The following KRT79 variants were observed in gnomAD, a reference collection of about 807,000 sequenced individuals.
KRT79 encodes the protein keratin 79, also known as keratin, type II cytoskeletal 79.
KRT79 carries 51 observed loss-of-function variants against 49.0 expected under a neutral mutation model. The observed-to-expected ratio is 1.04, with a 90% CI of 0.83 to 1.31. The LOEUF is 1.31. Ranked by LOEUF, KRT79 falls within the 40% of genes most tolerant of loss-of-function variation. The probability of loss-of-function intolerance (pLI) is 0.00; values close to 1 mark genes in which losing one functional copy is unlikely to be tolerated. For missense variants in KRT79, 728 were observed against 688.0 expected, an observed-to-expected ratio of 1.06 and a Z score of -0.65; for synonymous variants, 312 against 286.6, an observed-to-expected ratio of 1.09 and a Z score of -0.90.
chr12:52,822,751 C>T (rs946393313), intron 7 of KRT79, among the ~76,000 whole-genome samples: 1 of 152,130 alleles, frequency 6.6e-6, no homozygotes, highest in Non-Finnish European at 1.5e-5. Flanking sequence ...TTTTCCAAAG[C>T]TTCCACTGCT....
chr12:52,821,872 CT>C lies in KRT79; in HGVS notation c.1607del (p.Ter536CysfsTer3), dbSNP rs1940093013. 6.2e-7 allele frequency: 1 copy of C among 1,613,594 alleles called. No individual in the cohort carries two copies. Among genetic ancestry groups the C allele is most frequent in the African/African-American group, 1.3e-5 (1 of 74,930 alleles). On this transcript the variant is annotated frameshift_variant and stop_lost, in exon 9 of 9. Coordinates refer to ENST00000330553, the MANE Select transcript of KRT79 (RefSeq NM_175834.3). LOFTEE classifies it high-confidence loss of function. ...CAGGGGCCCTTGCAGGGCTCAGCAG[CT>C]AATACCTCTGGCTGGACGTCTTGAC... ...TTVKTSSQRY[*>X]
intron 4 of KRT79, among the ~76,000 whole-genome samples, chr12:52,824,847 G>A (rs1940155536): frequency 6.6e-6 from 1 of 152,208 alleles, no homozygotes; most frequent in Admixed American, 6.5e-5. Flanking sequence ...GACAAGTGAG[G>A]AAAGAGGTTT....
rs1462818429 is a variant in KRT79, at chr12:52,834,227, T to G, written c.34A>C (p.Thr12Pro). ...RSSVSRQTYSTKGGFSSNSAS... is the reference protein window; with the variant it reads ...RSSVSRQTYSPKGGFSSNSAS... ...GAGTTGGAGCTGAAGCCCCCTTTTG[T>G]GGAGTATGTTTGCCGAGAGACGGAG... The change falls in exon 1 of 9, where the codon ACA (threonine) becomes CCA (proline). Residue 12 changes from threonine (T) to proline (P), a missense_variant. Thr to Pro is a conservative substitution (Grantham distance 38, BLOSUM62 -1). Coordinates refer to ENST00000330553, the MANE Select transcript of KRT79 (RefSeq NM_175834.3). 1 of 1,613,444 alleles carries G rather than the reference T, an allele frequency of 6.2e-7. No individual in the cohort carries two copies. The highest frequency in any genetic ancestry group is 8.5e-7 in the Non-Finnish European group (1 of 1,179,946).
rs757618925 is a variant in KRT79 at position 52,834,088 on chromosome 12, C to T, written c.173G>A (p.Gly58Asp). The T allele has an allele frequency of 1.7e-5, 28 of 1,613,150 alleles. 1 individual carries two copies. The highest frequency in any genetic ancestry group is 2.3e-5 in the Non-Finnish European group (27 of 1,179,878). Residue 58 changes from glycine (G) to aspartate (D), a missense_variant, in exon 1 of 9, where the codon GGC (glycine) becomes GAC (aspartate). Coordinates refer to ENST00000330553, the MANE Select transcript of KRT79 (RefSeq NM_175834.3). ...CCCCAAGTTATAGAGGCTTCGGCTGCCAAAGCCACCTGTGCCGGGGCCACA... is the reference window on the plus strand; with the variant it reads ...CCCCAAGTTATAGAGGCTTCGGCTGTCAAAGCCACCTGTGCCGGGGCCACA... ...AHCGPGTGGF[G>D]SRSLYNLGGH... is the part of the protein sequence containing the mutation.
At chr12:52,826,523 A>G (rs1239692451) in intron 4 of KRT79, among the ~76,000 whole-genome samples, 1 of 151,870 alleles carries the variant, frequency 6.6e-6, no homozygotes, top group Non-Finnish European at 1.5e-5. Context: ...AAAAAAAAAA[A>G]AAAAAAAAGT....
At chr12:52,833,721 AC>A in intron 1 of KRT79, 62 bp downstream of exon 1, 1 of 1,353,534 alleles carries the variant, frequency 7.4e-7, no homozygotes, top group Non-Finnish European at 1.1e-6. Context: ...GGCCCAGCCC[AC>A]CCTCTATTAG....
At chr12:52,830,197 C>A (rs1940232018) in intron 3 of KRT79, 35 bp downstream of exon 3, 1 of 1,613,790 alleles carries the variant, frequency 6.2e-7, no homozygotes, top group South Asian at 1.1e-5. Context: ...ACCCTGGCAG[C>A]CAAAGGACCA....
chr12:52,829,795 A>G lies in KRT79; in HGVS notation c.855+228T>C, dbSNP rs139410967. 5.7e-3 allele frequency among the ~76,000 whole-genome samples: 870 copies of G among 152,200 alleles called. 9 individuals carry two copies. The highest frequency in any genetic ancestry group is 0.02 in the African/African-American group (820 of 41,518). Reference sequence around the variant, plus strand: ...AGGCACCTGTAGTCCCAGCTACTCCAGTGGCTAAAGCAGGAGAATCGCTTT... The same window carrying G: ...AGGCACCTGTAGTCCCAGCTACTCCGGTGGCTAAAGCAGGAGAATCGCTTT... On this transcript the variant is annotated intron_variant, in intron 4 of 8. Transcript: ENST00000330553.
rs202220851 is a variant in KRT79, at chr12:52,822,114, A to G, written c.1403-37T>C. On this transcript the variant is annotated intron_variant, in intron 8 of 8. Coordinates refer to ENST00000330553, the MANE Select transcript of KRT79 (RefSeq NM_175834.3). ...AGGGTCTGGATTAGTCAGGGCGGCC[A>G]TGCCAGAGAGGGCTGGGGGAGACCC... 9 of 1,605,306 alleles carry G rather than the reference A, an allele frequency of 5.6e-6. No individual in the cohort carries two copies. The Admixed American group carries it at 1.5e-4, about 27-fold the overall frequency.
intron 1 of KRT79, among the ~76,000 whole-genome samples, chr12:52,833,554 G>A (rs2638498): frequency 0.021 from 3,229 of 152,202 alleles, 108 homozygotes; most frequent in African/African-American, 0.072. Context: ...TTGGCAAACC[G>A]GACTCATGAG....
rs1428320761 is a variant in KRT79, at chr12:52,822,388, C to T, written c.1368-9G>A. ...GACATTCTCCAGACATCCTAGGGGA[C>T]ACAGAAAGGCCAGGAGAGCAGTCAG... On this transcript the variant is annotated splice_polypyrimidine_tract_variant and intron_variant, in intron 7 of 8. Coordinates refer to ENST00000330553, the MANE Select transcript of KRT79 (RefSeq NM_175834.3). 6.3e-7 allele frequency: 1 copy of T among 1,580,448 alleles called. No homozygotes were observed. The highest frequency in any genetic ancestry group is 1.2e-5 in the South Asian group (1 of 84,896).
intron 8 of KRT79, 60 bp from the exon 9 acceptor site, chr12:52,822,137 C>T: frequency 1.3e-6 from 2 of 1,550,780 alleles, no homozygotes; most frequent in Non-Finnish European, 1.8e-6. Flanking sequence ...CTGGGGGAGA[C>T]CCAGAAATCA....
chr12:52,831,918 C>A lies in KRT79; in HGVS notation c.478-292G>T, dbSNP rs532457328. Among the ~76,000 whole-genome samples the A allele has an allele frequency of 2.6e-5, 4 of 152,348 alleles. No individual in the cohort carries two copies. In the South Asian group the frequency reaches 8.3e-4, roughly 32 times the overall value. ...GAATCATTTCTCTCTGAGTCTCCCT[C>A]TCTCACTTGTCCTGCATAAACTGGA... On this transcript the variant is annotated intron_variant, in intron 1 of 8. Transcript: ENST00000330553.
rs765995093 is a variant in KRT79 at position 52,821,999 on chromosome 12, C to T, written c.1481G>A (p.Gly494Glu). ...GCTGAATCCACCCTTGGTGGCCCCC[C>T]CACTCCCACCCAGGGAGATGCCACC... ...FGGGISLGGS[G>E]GATKGGFSTN... Residue 494 changes from glycine (G) to glutamate (E), a missense_variant, in exon 9 of 9, where the codon GGG becomes GAG. Coordinates refer to ENST00000330553, the MANE Select transcript of KRT79 (RefSeq NM_175834.3). 1.2e-5 allele frequency: 20 copies of T among 1,614,236 alleles called. No homozygotes were observed. In the East Asian group the frequency reaches 3.8e-4, roughly 31 times the overall value.
intron 7 of KRT79, 67 bp downstream of exon 7, chr12:52,822,949 A>T: frequency 6.7e-7 from 1 of 1,501,872 alleles, no homozygotes. Context: ...CCCGGAGCAG[A>T]CTCCCTGGGC....
chr12:52,822,316 G>A (rs377207695), intron 8 of KRT79, 29 bp downstream of exon 8: 223 of 1,601,782 alleles, frequency 1.4e-4, no homozygotes, highest in Middle Eastern at 9.9e-4. Context: ...GGCCAGGGGT[G>A]GAGCAGGAAG....
intron 8 of KRT79, 109 bp downstream of exon 8, chr12:52,822,236 G>A (rs762040541): frequency 2.0e-5 from 27 of 1,322,646 alleles, no homozygotes; most frequent in Non-Finnish European, 2.9e-5. Flanking sequence ...TGTCTCCAGG[G>A]GCTCGAATGG....
chr12:52,822,997 G>C lies in KRT79; in HGVS notation c.1367+19C>G. Reference sequence around the variant, plus strand: ...CAGGCCCGACCCAGCTTTCTGGGTCGGGCAGGAGGGGCCACCACCTGCTCT... The same window carrying C: ...CAGGCCCGACCCAGCTTTCTGGGTCCGGCAGGAGGGGCCACCACCTGCTCT... On this transcript the variant is annotated intron_variant, in intron 7 of 8. Transcript: ENST00000330553. 7 of 1,612,232 alleles carry C rather than the reference G, an allele frequency of 4.3e-6. No homozygotes were observed. The highest frequency in any genetic ancestry group is 5.9e-6 in the Non-Finnish European group (7 of 1,179,450).
At position 52,821,892 on chromosome 12, in the gene KRT79, T is replaced by A. The variant is rs770195713; in HGVS notation, c.1588A>T (p.Thr530Ser). 2.5e-6 allele frequency: 4 copies of A among 1,613,988 alleles called. No homozygotes were observed. The South Asian group carries it at 4.4e-5, about 18-fold the overall frequency. ...SILRKTTTVK[T>S]SSQRY Reference sequence around the variant, plus strand: ...AGCAGCTAATACCTCTGGCTGGACGTCTTGACCGTAGTGGTCTTCCGCAGG... The same window carrying A: ...AGCAGCTAATACCTCTGGCTGGACGACTTGACCGTAGTGGTCTTCCGCAGG... Residue 530 changes from threonine (T) to serine (S), a missense_variant, in exon 9 of 9, where the codon ACG becomes TCG. Coordinates refer to ENST00000330553, the MANE Select transcript of KRT79 (RefSeq NM_175834.3).
Sources: allele counts gnomAD v4.1 joint callset (sites outside exome capture counted in the v4.1 genomes callset), GRCh38; gene constraint gnomAD v4.1.1; transcripts MANE v1.5; gene names NCBI Gene and HGNC (gene_info 2026-07-23, HGNC 2026-07-21).